The following IL1RAPL1 variants were observed in gnomAD, a reference collection of about 807,000 sequenced individuals.
IL1RAPL1 encodes the protein interleukin-1 receptor accessory protein-like 1.
In IL1RAPL1, 3 loss-of-function variants were observed where a neutral mutation model predicts 48.4. The observed-to-expected ratio is 0.06, with a 90% CI of 0.03 to 0.16. IL1RAPL1 has a LOEUF of 0.16. IL1RAPL1 is among the 10% of genes least tolerant of loss of function. The pLI is 1.00. For synonymous variants in IL1RAPL1, 185 were observed against 187.7 expected, an observed-to-expected ratio of 0.99 and a Z score of 0.12; for missense variants, 349 against 530.6, an observed-to-expected ratio of 0.66 and a Z score of 3.36.
chrX:29,111,930 T>TC, intron 2 of IL1RAPL1, among the ~76,000 whole-genome samples: 1 of 87,951 alleles, frequency 1.1e-5, no homozygotes, highest in Non-Finnish European at 2.3e-5. Flanking sequence ...CTTTTCTTTT[T>TC]TTTTTTTTTT....
chrX:29,224,483 G>A (rs916623725), intron 2 of IL1RAPL1, among the ~76,000 whole-genome samples: 3 of 111,360 alleles, frequency 2.7e-5, no homozygotes, highest in African/African-American at 9.8e-5. Flanking sequence ...GGTTGCACTT[G>A]TTTGTATAGT....
intron 6 of IL1RAPL1, among the ~76,000 whole-genome samples, chrX:29,891,898 C>T (rs949086820): frequency 3.6e-5 from 4 of 111,617 alleles, no homozygotes; most frequent in African/African-American, 1.3e-4. Flanking sequence ...CCTAGAAAGG[C>T]TTTGTTAAAT....
intron 5 of IL1RAPL1, among the ~76,000 whole-genome samples, chrX:29,559,564 A>G (rs892172845): frequency 1.8e-5 from 2 of 111,448 alleles, no homozygotes; most frequent in Non-Finnish European, 3.8e-5. Context: ...GGTAGGCTAT[A>G]TGCTTTTAGG....
chrX:28,671,150 G>A (rs1431938637), intron 1 of IL1RAPL1, among the ~76,000 whole-genome samples: 2 of 111,853 alleles, frequency 1.8e-5, no homozygotes, highest in Non-Finnish European at 3.8e-5. Flanking sequence ...CCTTGAAATT[G>A]TAATGAAAAC....
chrX:28,781,444 A>G (rs1367478352), intron 1 of IL1RAPL1, among the ~76,000 whole-genome samples: 1 of 109,557 alleles, frequency 9.1e-6, no homozygotes, highest in African/African-American at 3.3e-5. Context: ...AATCTCTGCT[A>G]CTTCTTTCCT....
intron 6 of IL1RAPL1, among the ~76,000 whole-genome samples, chrX:29,861,940 T>A (rs575571657): frequency 1.5e-3 from 172 of 111,404 alleles, no homozygotes; most frequent in African/African-American, 5.2e-3. Context: ...CCATGGCTCA[T>A]GCCTGTAATC....
intron 2 of IL1RAPL1, among the ~76,000 whole-genome samples, chrX:28,925,707 G>C (rs1207960062): frequency 9.0e-6 from 1 of 111,624 alleles, no homozygotes; most frequent in Admixed American, 9.5e-5. Context: ...CGGATCACAA[G>C]GTCAGGAGTT....
chrX:29,543,012 C>T (rs1026001663), intron 5 of IL1RAPL1, among the ~76,000 whole-genome samples: 4 of 111,203 alleles, frequency 3.6e-5, no homozygotes, highest in Non-Finnish European at 1.9e-5. Flanking sequence ...GCCAAAAACT[C>T]AGAGTTCATG....
At chrX:29,549,139 C>G (rs1183247579) in intron 5 of IL1RAPL1, among the ~76,000 whole-genome samples, 1 of 111,694 alleles carries the variant, frequency 9.0e-6, no homozygotes, top group Non-Finnish European at 1.9e-5. Context: ...TTTCAGTTAC[C>G]TGAAGTCAAC....
At chrX:29,402,067 T>A (rs1348647304) in intron 5 of IL1RAPL1, among the ~76,000 whole-genome samples, 1 of 111,101 alleles carries the variant, frequency 9.0e-6, no homozygotes, top group African/African-American at 3.3e-5. Context: ...CTAATTTTTG[T>A]ATTTTTAGTA....
At chrX:29,472,191 A>G (rs1414635750) in intron 5 of IL1RAPL1, among the ~76,000 whole-genome samples, 1 of 111,920 alleles carries the variant, frequency 8.9e-6, no homozygotes, top group African/African-American at 3.2e-5. Context: ...TATATCTCAC[A>G]GCTCTAATTT....
chrX:29,710,107 A>G (rs1416668561), intron 6 of IL1RAPL1, among the ~76,000 whole-genome samples: 2 of 111,570 alleles, frequency 1.8e-5, no homozygotes, highest in Non-Finnish European at 3.8e-5. Context: ...GTCATCAGCA[A>G]ACAGACTATT....
At chrX:29,796,251 G>A (rs746964736) in intron 6 of IL1RAPL1, among the ~76,000 whole-genome samples, 4 of 112,091 alleles carry the variant, frequency 3.6e-5, no homozygotes, top group Non-Finnish European at 5.6e-5. Context: ...TCCTTAGGTG[G>A]AACCACTGAG....
intron 5 of IL1RAPL1, among the ~76,000 whole-genome samples, chrX:29,526,560 C>T (rs760440137): frequency 9.0e-6 from 1 of 111,630 alleles, no homozygotes; most frequent in Non-Finnish European, 1.9e-5. Flanking sequence ...ATTCAACAAG[C>T]TAGCAATATG....
intron 6 of IL1RAPL1, among the ~76,000 whole-genome samples, chrX:29,884,901 C>G (rs1214099781): frequency 9.0e-6 from 1 of 111,707 alleles, no homozygotes; most frequent in Admixed American, 9.6e-5. Flanking sequence ...CAGCATCTAA[C>G]CACTTATCAC....
At chrX:29,755,610 A>T (rs750491232) in intron 6 of IL1RAPL1, among the ~76,000 whole-genome samples, 104 of 112,495 alleles carry the variant, frequency 9.2e-4, no homozygotes, top group African/African-American at 3.1e-3. Context: ...CTCTGGTAAG[A>T]TCAGTCCAAA....
intron 1 of IL1RAPL1, among the ~76,000 whole-genome samples, chrX:28,751,300 T>C (rs1188104279): frequency 8.9e-6 from 1 of 111,759 alleles, no homozygotes. Flanking sequence ...CTTCTTTGCA[T>C]GTATGTTTAA....
chrX:29,121,094 G>A (rs1928773936), intron 2 of IL1RAPL1, among the ~76,000 whole-genome samples: 1 of 111,633 alleles, frequency 9.0e-6, no homozygotes, highest in East Asian at 2.8e-4. Context: ...TCCTCAACTC[G>A]ATAAAGAACA....
At chrX:29,735,386 T>A (rs1407749092) in intron 6 of IL1RAPL1, among the ~76,000 whole-genome samples, 1 of 111,799 alleles carries the variant, frequency 8.9e-6, no homozygotes, top group Non-Finnish European at 1.9e-5. Context: ...CTGATAGCAA[T>A]CTCAATTCCA....
Sources: gnomAD v4.1 joint callset for allele counts (sites outside exome capture counted in the v4.1 genomes callset) on GRCh38, gnomAD v4.1.1 for gene constraint, MANE v1.5 for transcripts, NCBI Gene and HGNC (gene_info 2026-07-23, HGNC 2026-07-21) for gene names.